YDJC: variants seen among roughly 807,000 people sequenced by gnomAD.
YDJC encodes the protein carbohydrate deacetylase.
Under a neutral mutation model 18.9 loss-of-function variants are expected in YDJC, and 23 were observed. That is an observed-to-expected ratio of 1.22 (90% CI 0.87 to 1.72). The LOEUF is 1.72. Among genes scored for constraint, YDJC ranks in the 40% most tolerant of loss-of-function variants. The pLI, the probability that YDJC is intolerant of heterozygous loss-of-function variation, is 0.00. For synonymous variants in YDJC, 224 were observed against 217.6 expected, an observed-to-expected ratio of 1.03 and a Z score of -0.26; for missense variants, 467 against 470.8, an observed-to-expected ratio of 0.99 and a Z score of 0.07.
At position 21,628,773 on chromosome 22, in the gene YDJC, A is replaced by G. The variant is rs1187678694; in HGVS notation, c.617T>C (p.Phe206Ser). ...CCGGCCGCAAGTGCTCAGGCCCACGAAGGCGTCTGTCCACCTGTGGGGGGC... is the reference window on the plus strand; with the variant it reads ...CCGGCCGCAAGTGCTCAGGCCCACGGAGGCGTCTGTCCACCTGTGGGGGGC... Reference protein sequence around the residue: ...SRHGLRWTDAFVGLSTCGRHM... With the variant: ...SRHGLRWTDASVGLSTCGRHM... The change falls in exon 5 of 5, where the codon TTC (phenylalanine) becomes TCC (serine). Residue 206 changes from phenylalanine to serine, a missense_variant. Phe to Ser is a radical substitution (Grantham distance 155, BLOSUM62 -2). Transcript: ENST00000292778. 1 of 1,488,822 alleles carries G rather than the reference A, an allele frequency of 6.7e-7. No individual in the cohort carries two copies. The highest frequency in any genetic ancestry group is 2.1e-5 in the Admixed American group (1 of 47,672). 92.2% of individuals were successfully genotyped at this position (1,488,822 alleles called of 1,614,324 possible). A position where few individuals can be genotyped will look rare whatever the true frequency, so the allele number is the denominator to read the frequency against.
At position 21,628,492 on chromosome 22, in the gene YDJC, C is replaced by T; in HGVS notation, c.898G>A (p.Asp300Asn). 6.2e-7 allele frequency: 1 copy of T among 1,610,390 alleles called. No individual in the cohort carries two copies. Among genetic ancestry groups the T allele is most frequent in the Non-Finnish European group, 8.5e-7 (1 of 1,177,632 alleles). ...ACCTCCTCCCCTGGCCTCTTGGAGT[C>T]CAGGTCGTCGAGGGCGCAAAGCTGC... The part of the protein sequence containing the change: ...GVQLCALDDL[D>N]SKRPGEEVPC... Residue 300 changes from aspartate (D) to asparagine (N), a missense_variant, in exon 5 of 5, where the codon GAC becomes AAC. By Grantham distance (23) the Asp-to-Asn change is conservative. Transcript: ENST00000292778.
Position 21,629,975 on chromosome 22 carries a change from C to G in YDJC, c.40G>C (p.Asp14His). The change falls in exon 1 of 5, where the codon GAC (aspartate) becomes CAC (histidine). Residue 14 changes from aspartate to histidine, a missense_variant. Transcript: ENST00000292778. ...TCGCGTCGCGGGCAGTAACCAAAGT[C>G]GTCCGCGGTGACCACCAGGCGCATG... is the stretch of plus-strand genomic sequence containing the variant. ...PRMRLVVTAD[D>H]FGYCPRRDEG... The G allele has an allele frequency of 6.2e-7, 1 of 1,603,034 alleles. No homozygotes were observed. Among genetic ancestry groups the G allele is most frequent in the Non-Finnish European group, 8.5e-7 (1 of 1,178,000 alleles).
rs1930314924 is a variant in YDJC at position 21,628,188 on chromosome 22, T to G, written c.*230A>C. 2.2e-6 allele frequency: 1 copy of G among 458,376 alleles called. No homozygotes were observed. Among genetic ancestry groups the G allele is most frequent in the South Asian group, 7.8e-5 (1 of 12,854 alleles). 28.4% of individuals were successfully genotyped at this position (458,376 alleles called of 1,614,324 possible). The stretch of plus-strand genomic sequence containing the variant: ...CAACATGGAGGGGCACCAAATGCTC[T>G]GCGGGCCCTAGCCCGCTGCCACAGG... On this transcript the variant is annotated 3_prime_UTR_variant, in exon 5 of 5. Transcript: ENST00000292778.
rs1283653840 is a variant in YDJC, at chr22:21,629,317, C to CGTGCACGTGCTG, written c.403_414dup (p.Gln135_His138dup). 1 of 1,550,518 alleles carries CGTGCACGTGCTG rather than the reference C, an allele frequency of 6.4e-7. No individual in the cohort carries two copies. Among genetic ancestry groups the CGTGCACGTGCTG allele is most frequent in the Non-Finnish European group, 8.7e-7 (1 of 1,146,902 alleles). ...ATCACTAACCACGCACCTGGGAGCA[C>CGTGCACGTGCTG]GTGCACGTGCTGGTGCCCGTCCGCG... On this transcript the variant is annotated inframe_insertion, in exon 3 of 5. Transcript: ENST00000292778.
In YDJC at chr22:21,629,317, C is replaced by T. The variant is rs1297889409; in HGVS notation, c.415G>A (p.Val139Met). Residue 139 changes from valine to methionine, a missense_variant, in exon 3 of 5, where the codon GTG becomes ATG. Val to Met is a conservative substitution (Grantham distance 21, BLOSUM62 1). Coordinates refer to ENST00000292778, the MANE Select transcript of YDJC (RefSeq NM_001017964.2). The part of the protein sequence containing the change: ...THADGHQHVH[V>M]LPGVCQVFAE... ...ATCACTAACCACGCACCTGGGAGCACGTGCACGTGCTGGTGCCCGTCCGCG... is the reference window on the plus strand; with the variant it reads ...ATCACTAACCACGCACCTGGGAGCATGTGCACGTGCTGGTGCCCGTCCGCG... 2.6e-6 allele frequency: 4 copies of T among 1,550,400 alleles called. No homozygotes were observed. Among genetic ancestry groups the T allele is most frequent in the Non-Finnish European group, 3.5e-6 (4 of 1,146,910 alleles).
chr22:21,629,769 C>A lies in YDJC; in HGVS notation c.165-8G>T. 1.4e-6 allele frequency: 2 copies of A among 1,478,978 alleles called. No homozygotes were observed. Among genetic ancestry groups the A allele is most frequent in the African/African-American group, 1.4e-5 (1 of 69,680 alleles). 91.6% of individuals were successfully genotyped at this position (1,478,978 alleles called of 1,614,324 possible). ...CCCGTGGGGATGCTGTGCCTGAGGG[C>A]GGAGCGCGAGCTGGAGCACTAGCGG... On this transcript the variant is annotated splice_polypyrimidine_tract_variant and splice_region_variant and intron_variant, in intron 1 of 4. Coordinates refer to ENST00000292778, the MANE Select transcript of YDJC (RefSeq NM_001017964.2).
rs1330548046 is a variant in YDJC at position 21,628,904 on chromosome 22, C to T, written c.602+106G>A. 10 of 1,423,004 alleles carry T rather than the reference C, an allele frequency of 7.0e-6. No homozygotes were observed. In the South Asian group the frequency reaches 8.9e-5, roughly 13 times the overall value. 88.1% of individuals were successfully genotyped at this position (1,423,004 alleles called of 1,614,324 possible). A position where few individuals can be genotyped will look rare whatever the true frequency, so the allele number is the denominator to read the frequency against. The stretch of plus-strand genomic sequence containing the variant: ...TAACTGGGGTGGCGGCAGCGGTCGA[C>T]GCCAGACTCGCTTCCGGGTTGAGAA... On this transcript the variant is annotated intron_variant, in intron 4 of 4. Coordinates refer to ENST00000292778, the MANE Select transcript of YDJC (RefSeq NM_001017964.2).
rs1601456103 is a variant in YDJC at position 21,629,615 on chromosome 22, A to T, written c.311T>A (p.Val104Glu). The change falls in exon 2 of 5, where the codon GTG becomes GAG. Residue 104 changes from valine (V) to glutamate (E), a missense_variant. Coordinates refer to ENST00000292778, the MANE Select transcript of YDJC (RefSeq NM_001017964.2). ...GCGGCTCCGCACCTGAGGCAAATCCACGTCTCCGGCCGCCACCGCCTCCCG... is the reference window on the plus strand; with the variant it reads ...GCGGCTCCGCACCTGAGGCAAATCCTCGTCTCCGGCCGCCACCGCCTCCCG... ...GFREAVAAGD[V>E]DLPQVREELE... 6.2e-7 allele frequency: 1 copy of T among 1,612,404 alleles called. No individual in the cohort carries two copies. Among genetic ancestry groups the T allele is most frequent in the Non-Finnish European group, 8.5e-7 (1 of 1,179,898 alleles).
At position 21,629,728 on chromosome 22, in the gene YDJC, C is replaced by A; in HGVS notation, c.198G>T (p.Leu66=). 1 of 1,564,160 alleles carries A rather than the reference C, an allele frequency of 6.4e-7. No individual in the cohort carries two copies. Among genetic ancestry groups the A allele is most frequent in the Non-Finnish European group, 8.6e-7 (1 of 1,157,230 alleles). Reference sequence around the variant, plus strand: ...CCGGACCCACGGGGCGGCCCTCGGACAGGTTGGCGTGGAGGCCCGTGGGGA... The same window carrying A: ...CCGGACCCACGGGGCGGCCCTCGGAAAGGTTGGCGTGGAGGCCCGTGGGGA... ...HSIPTGLHAN[L]SEGRPVGPAR... Residue 66 remains leucine (L), a synonymous_variant, in exon 2 of 5, where the codon CTG becomes CTT. Transcript: ENST00000292778.
chr22:21,628,884 G>A, intron 4 of YDJC, 97 bp from the exon 5 acceptor site: 3 of 1,409,290 alleles, frequency 2.1e-6, no homozygotes, highest in Non-Finnish European at 2.8e-6. Context: ...GGGGGTAACT[G>A]GGGTGGCGGC....
At position 21,629,590 on chromosome 22, in the gene YDJC, G is replaced by C. The variant is rs911618330; in HGVS notation, c.324+12C>G. On this transcript the variant is annotated intron_variant, in intron 2 of 4. Transcript: ENST00000292778. Reference sequence around the variant, plus strand: ...TCCTCGCGAGCATCCTCCTGTAGCTGCGGCTCCGCACCTGAGGCAAATCCA... The same window carrying C: ...TCCTCGCGAGCATCCTCCTGTAGCTCCGGCTCCGCACCTGAGGCAAATCCA... 6.2e-7 allele frequency: 1 copy of C among 1,612,584 alleles called. No individual in the cohort carries two copies.
rs779423811 is a variant in YDJC, at chr22:21,628,164, A to G, written c.*254T>C. ...CCAGTGGTGAAGGTGTTTGCATTGC[A>G]ACATGGAGGGGCACCAAATGCTCTG... On this transcript the variant is annotated 3_prime_UTR_variant, in exon 5 of 5. Coordinates refer to ENST00000292778, the MANE Select transcript of YDJC (RefSeq NM_001017964.2). 1.6e-5 allele frequency: 6 copies of G among 385,094 alleles called. No individual in the cohort carries two copies. Among genetic ancestry groups the G allele is most frequent in the Middle Eastern group, 6.5e-4 (1 of 1,532 alleles). 23.9% of individuals were successfully genotyped at this position (385,094 alleles called of 1,614,324 possible).
rs906305899 is a variant in YDJC, at chr22:21,628,357, C to G, written c.*61G>C. 8.1e-6 allele frequency: 12 copies of G among 1,480,650 alleles called. No individual in the cohort carries two copies. In the African/African-American group the frequency reaches 1.7e-4, roughly 21 times the overall value. 91.7% of individuals were successfully genotyped at this position (1,480,650 alleles called of 1,614,324 possible). A position where few individuals can be genotyped will look rare whatever the true frequency, so the allele number is the denominator to read the frequency against. On this transcript the variant is annotated 3_prime_UTR_variant, in exon 5 of 5. Transcript: ENST00000292778. ...GTCCCAGCTCTGGGCTGGGCCAGGACTAAATCCTGGCTCCCCTTTCTTGGT... is the reference window on the plus strand; with the variant it reads ...GTCCCAGCTCTGGGCTGGGCCAGGAGTAAATCCTGGCTCCCCTTTCTTGGT...
chr22:21,629,827 CCCT>C (rs1930426364), intron 1 of YDJC, 21 bp downstream of exon 1: 1 of 1,509,010 alleles, frequency 6.6e-7, no homozygotes, highest in African/African-American at 1.4e-5. Flanking sequence ...CCGATCGCCG[CCCT>C]GCTAGAGGCC....
In YDJC at chr22:21,628,863, G is replaced by T. The variant is rs894334287; in HGVS notation, c.603-76C>A. On this transcript the variant is annotated intron_variant, in intron 4 of 4. Transcript: ENST00000292778. ...GGCTAGGTAGGCTAGGGAAGGGACG[G>T]CGGGGTGGGAGGGGGTAACTGGGGT... 2.1e-6 allele frequency: 3 copies of T among 1,423,522 alleles called. No homozygotes were observed. The African/African-American group carries it at 4.3e-5, about 21-fold the overall frequency. The allele number at this position is 1,423,522 out of a possible 1,614,324, so 88.2% of individuals were successfully genotyped here.
chr22:21,629,666 C>G lies in YDJC; in HGVS notation c.260G>C (p.Gly87Ala), dbSNP rs746137646. The change falls in exon 2 of 5, where the codon GGC becomes GCC. Residue 87 changes from glycine (G) to alanine (A), a missense_variant. Physicochemically the swap from Gly to Ala is moderately conservative, Grantham distance 60 (BLOSUM62 0). Coordinates refer to ENST00000292778, the MANE Select transcript of YDJC (RefSeq NM_001017964.2). ...GAATCCCATCTTGCCAAGGAAGAAG[C>G]CTTCCGGGCCGAGCAGCGATGAGGC... The part of the protein sequence containing the change: ...RGASSLLGPE[G>A]FFLGKMGFRE... 6.2e-6 allele frequency: 10 copies of G among 1,611,508 alleles called. No individual in the cohort carries two copies. The highest frequency in any genetic ancestry group is 1.1e-5 in the South Asian group (1 of 90,952).
At position 21,628,475 on chromosome 22, in the gene YDJC, C is replaced by T. The variant is rs771637604; in HGVS notation, c.915G>A (p.Gly305=). ...GAGTGGGCTCACAGGGGACCTCCTC[C>T]CCTGGCCTCTTGGAGTCCAGGTCGT... ...ALDDLDSKRP[G]EEVPCEPTLE... The change falls in exon 5 of 5, where the codon GGG becomes GGA. Residue 305 remains glycine, a synonymous_variant. Transcript: ENST00000292778. 4.4e-6 allele frequency: 7 copies of T among 1,603,616 alleles called. No individual in the cohort carries two copies. In the Admixed American group the frequency reaches 1.2e-4, roughly 27 times the overall value.
Position 21,628,314 on chromosome 22 carries a change from C to T in YDJC, c.*104G>A. On this transcript the variant is annotated 3_prime_UTR_variant, in exon 5 of 5. Transcript: ENST00000292778. ...GTGGCAGTGTCCTACCCAGGGAAGT[C>T]AACAGATCGTGCTCCAGGTCCCAGC... 2.1e-6 allele frequency: 3 copies of T among 1,430,518 alleles called. No individual in the cohort carries two copies. Among genetic ancestry groups the T allele is most frequent in the Non-Finnish European group, 2.8e-6 (3 of 1,079,324 alleles). The allele number at this position is 1,430,518 out of a possible 1,614,324, so 88.6% of individuals were successfully genotyped here.
rs762109612 is a variant in YDJC, at chr22:21,628,703, C to T, written c.687G>A (p.Leu229=). 9.8e-5 allele frequency: 151 copies of T among 1,542,904 alleles called. 1 individual carries two copies. Among genetic ancestry groups the T allele is most frequent in the Middle Eastern group, 7.3e-4 (4 of 5,512 alleles). Residue 229 remains leucine (L), a synonymous_variant, in exon 5 of 5, where the codon CTG becomes CTA. Coordinates refer to ENST00000292778, the MANE Select transcript of YDJC (RefSeq NM_001017964.2). ...HRVSGALARV[L]EGTLAGHTLT... ...GGGTGTGGCCCGCTAGGGTACCTTC[C>T]AGGACCCGCGCCAGGGCCCCGGACA...
Sources: allele counts gnomAD v4.1 joint callset, GRCh38; gene constraint gnomAD v4.1.1; transcripts MANE v1.5; gene names NCBI Gene and HGNC (gene_info 2026-07-23, HGNC 2026-07-21).